Variants in DROSHA observed in about 807,000 individuals in gnomAD.
The protein encoded by DROSHA is ribonuclease 3.
Under a neutral mutation model 181.9 loss-of-function variants are expected in DROSHA, and 56 were observed. The observed-to-expected ratio is 0.31, with a 90% confidence interval of 0.25 to 0.38. The LOEUF is 0.38. Ranked by LOEUF, DROSHA falls within the 10% of genes least tolerant of loss-of-function variation. The pLI, the probability that DROSHA is intolerant of heterozygous loss-of-function variation, is 1.00. For synonymous variants in DROSHA, 524 were observed against 591.2 expected, an observed-to-expected ratio of 0.89 and a Z score of 1.65; for missense variants, 1,218 against 1,743.5, an observed-to-expected ratio of 0.70 and a Z score of 5.37.
chr5:31,421,894 A>AAAAAAT (rs1561132889), intron 29 of DROSHA: 2 of 53,512 alleles, frequency 3.7e-5, no homozygotes, highest in African/African-American at 1.1e-4. Flanking sequence ...AAAAAAAAAA[A>AAAAAAT]ATATATATAT....
intron 6 of DROSHA, among the ~76,000 whole-genome samples, chr5:31,518,575 A>C (rs1739523212): frequency 6.6e-6 from 1 of 152,100 alleles, no homozygotes; most frequent in African/African-American, 2.4e-5. Flanking sequence ...AATAACGGCA[A>C]CTCTTAGCTC....
At chr5:31,509,113 G>A (rs1738363690) in intron 9 of DROSHA, among the ~76,000 whole-genome samples, 2 of 152,026 alleles carry the variant, frequency 1.3e-5, no homozygotes, top group Non-Finnish European at 1.5e-5. Flanking sequence ...ATGAGCCACC[G>A]CACCCGGCTG....
chr5:31,425,536 CG>C (rs1306102323), intron 27 of DROSHA, among the ~76,000 whole-genome samples: 34 of 152,074 alleles, frequency 2.2e-4, no homozygotes, highest in Non-Finnish European at 1.0e-4. Context: ...TATCAAACTT[CG>C]GGCCCTTGCC....
At chr5:31,459,130 T>C (rs2150021080) in intron 20 of DROSHA, among the ~76,000 whole-genome samples, 1 of 152,336 alleles carries the variant, frequency 6.6e-6, no homozygotes, top group Middle Eastern at 3.4e-3. Flanking sequence ...ACTAGGTATT[T>C]GATGATATTA....
chr5:31,529,175 G>C, intron 3 of DROSHA, 70 bp from the exon 4 acceptor site: 1 of 1,368,698 alleles, frequency 7.3e-7, no homozygotes, highest in Non-Finnish European at 1.0e-6. Context: ...AAATATTTCT[G>C]CAATTACCAT....
Position 31,514,383 on chromosome 5 carries a change from G to C in DROSHA, c.1290+605C>G, listed in dbSNP as rs971747560. Among the ~76,000 whole-genome samples, 1 of 152,102 alleles carries C rather than the reference G, an allele frequency of 6.6e-6. No individual in the cohort carries two copies. Among genetic ancestry groups the C allele is most frequent in the Admixed American group, 6.5e-5 (1 of 15,270 alleles). On this transcript the variant is annotated intron_variant, in intron 8 of 35. Transcript: ENST00000344624. This position sits in a 1 kb window ranked among gnomAD's most constrained non-coding sequence, Gnocchi z 4.4. ...AGGCTGGGCACAGTGGCTCACACCT[G>C]TAATCCCAGCACTTTGGGAGGCCAA...
chr5:31,498,883 A>T (rs1420254580), intron 11 of DROSHA, among the ~76,000 whole-genome samples: 1 of 152,104 alleles, frequency 6.6e-6, no homozygotes, highest in African/African-American at 2.4e-5. Context: ...AGAAAAGGCA[A>T]ACAAAGCCAG....
rs61748191 is a variant in DROSHA at position 31,526,264 on chromosome 5, T to C, written c.669A>G (p.Glu223=). Residue 223 remains glutamate, a synonymous_variant, in exon 5 of 36, where the codon GAA becomes GAG. Coordinates refer to ENST00000344624, the MANE Select transcript of DROSHA (RefSeq NM_001382508.1). ...TGTGGTCATCATAGTGTTTCAGCCT[T>C]TCTGGGGACCTTCTCTCACTGGGAG... ...PKAPSERRSP[E]RLKHYDDHRH... 57,089 of 1,613,786 alleles carry C rather than the reference T, an allele frequency of 0.035. 1,360 individuals carry two copies. The highest frequency in any genetic ancestry group is 0.094 in the South Asian group (8,527 of 91,048).
intron 35 of DROSHA, among the ~76,000 whole-genome samples, chr5:31,404,084 AT>A (rs57056439): frequency 0.24 from 34,397 of 144,242 alleles, 4,727 homozygotes; most frequent in African/African-American, 0.4. Flanking sequence ...AGCCTGGCTA[AT>A]TTTTTTTTTT....
At chr5:31,502,632 A>G (rs1345837176) in intron 11 of DROSHA, among the ~76,000 whole-genome samples, 1 of 152,280 alleles carries the variant, frequency 6.6e-6, no homozygotes, top group African/African-American at 2.4e-5. Context: ...CTGCCTGGGC[A>G]GATGGCCCGG....
At chr5:31,465,527 T>C (rs531605575) in intron 19 of DROSHA, among the ~76,000 whole-genome samples, 6 of 152,336 alleles carry the variant, frequency 3.9e-5, no homozygotes, top group South Asian at 4.1e-4. Context: ...ATAAAAGATA[T>C]GTTTGATTCC....
intron 25 of DROSHA, among the ~76,000 whole-genome samples, 153 bp from the exon 26 acceptor site, chr5:31,431,831 T>A (rs551276441): frequency 1.3e-5 from 2 of 152,304 alleles, no homozygotes; most frequent in East Asian, 1.9e-4. Context: ...GAGTTTAGTT[T>A]AACATTCATT....
At chr5:31,468,194 A>G (rs1274429565) in intron 17 of DROSHA, 131 bp from the exon 18 acceptor site, 2 of 1,031,796 alleles carry the variant, frequency 1.9e-6, no homozygotes, top group Non-Finnish European at 2.7e-6. Flanking sequence ...AGGTCATTTA[A>G]AACCCTTTAA....
intron 26 of DROSHA, among the ~76,000 whole-genome samples, chr5:31,430,176 T>C (rs540885922): frequency 4.6e-5 from 7 of 152,370 alleles, no homozygotes; most frequent in African/African-American, 1.7e-4. Context: ...TACTTTTCCA[T>C]GTAAAATGTT....
At chr5:31,471,881 G>A (rs975767407) in intron 17 of DROSHA, among the ~76,000 whole-genome samples, 182 bp downstream of exon 17, 9 of 152,098 alleles carry the variant, frequency 5.9e-5, no homozygotes, top group African/African-American at 1.7e-4. Flanking sequence ...GTGAATTTAC[G>A]ACCAAATATG....
intron 20 of DROSHA, among the ~76,000 whole-genome samples, chr5:31,461,507 T>C (rs141039635): frequency 6.6e-6 from 1 of 152,138 alleles, no homozygotes; most frequent in Non-Finnish European, 1.5e-5. Context: ...GAAAGCTCAG[T>C]GAGAAGAGTC....
chr5:31,406,403 G>A (rs1363583406), intron 34 of DROSHA, among the ~76,000 whole-genome samples: 1 of 151,882 alleles, frequency 6.6e-6, no homozygotes, highest in Non-Finnish European at 1.5e-5. Flanking sequence ...CTAGCTTCTC[G>A]AGTAGCCAAG....
At chr5:31,426,848 C>A (rs1743532526) in intron 27 of DROSHA, among the ~76,000 whole-genome samples, 1 of 151,910 alleles carries the variant, frequency 6.6e-6, no homozygotes, top group South Asian at 2.1e-4. Flanking sequence ...TGGACTGGAG[C>A]GGTGGGGGAT....
chr5:31,401,929 T>C (rs1740053780), intron 35 of DROSHA, among the ~76,000 whole-genome samples: 3 of 152,144 alleles, frequency 2.0e-5, no homozygotes, highest in African/African-American at 4.8e-5. Context: ...GATGAAAGGA[T>C]ACAGTAAAAT....
Sources: allele counts gnomAD v4.1 joint callset (sites outside exome capture counted in the v4.1 genomes callset), GRCh38; gene constraint gnomAD v4.1.1; non-coding constraint Gnocchi (gnomAD v3.1); transcripts MANE v1.5; gene names NCBI Gene and HGNC (gene_info 2026-07-23, HGNC 2026-07-21).